Variants in GNAO1 observed in about 807,000 individuals in gnomAD.
GNAO1 encodes G protein subunit alpha o1, also known as guanine nucleotide-binding protein G(o) subunit alpha.
For missense variants in GNAO1, 166 were observed against 478.7 expected (o/e 0.35, Z 6.10); for synonymous variants, 164 against 180.7 (o/e 0.91, Z 0.74).
At chr16:56,229,741 T>C (rs779117229) in intron 2 of GNAO1, among the ~76,000 whole-genome samples, 1 of 152,098 alleles carries the variant, frequency 6.6e-6, no homozygotes, top group Admixed American at 6.5e-5. Flanking sequence ...AAAACAAAAA[T>C]GCAAAACCTT....
chr16:56,325,408 G>A (rs1251010589), intron 3 of GNAO1, among the ~76,000 whole-genome samples: 6 of 152,178 alleles, frequency 3.9e-5, no homozygotes, highest in Admixed American at 6.5e-5. Flanking sequence ...CCCAGGAGGC[G>A]GAGGTTGTGG....
chr16:56,259,715 G>A (rs917458560), intron 2 of GNAO1, among the ~76,000 whole-genome samples: 1 of 152,230 alleles, frequency 6.6e-6, no homozygotes, highest in Non-Finnish European at 1.5e-5. Flanking sequence ...GGTTCATGTG[G>A]TAAGGATTAA....
chr16:56,257,048 A>G (rs1596824345), intron 2 of GNAO1, among the ~76,000 whole-genome samples: 1 of 152,128 alleles, frequency 6.6e-6, no homozygotes, highest in Admixed American at 6.5e-5. Flanking sequence ...TGGCATTACT[A>G]TGCCTTTGAC....
chr16:56,306,184 T>A (rs2587885), intron 3 of GNAO1, among the ~76,000 whole-genome samples: 1 of 152,044 alleles, frequency 6.6e-6, no homozygotes, highest in African/African-American at 2.4e-5. Flanking sequence ...GTGTCAAAGA[T>A]AAAAGGGCAC....
intron 2 of GNAO1, among the ~76,000 whole-genome samples, chr16:56,222,572 C>A (rs2036500348): frequency 6.6e-6 from 1 of 152,106 alleles, no homozygotes; most frequent in African/African-American, 2.4e-5. Context: ...ACAAGCTTGT[C>A]CTTCTATGAG....
intron 2 of GNAO1, among the ~76,000 whole-genome samples, chr16:56,271,597 G>T (rs564863353): frequency 6.6e-6 from 1 of 152,262 alleles, no homozygotes; most frequent in African/African-American, 2.4e-5. Flanking sequence ...GGGACTACAG[G>T]TGCATGCCAC....
chr16:56,263,542 A>G (rs1408595985), intron 2 of GNAO1, among the ~76,000 whole-genome samples: 1 of 152,240 alleles, frequency 6.6e-6, no homozygotes, highest in Admixed American at 6.5e-5. Flanking sequence ...GGCCGTAGTC[A>G]GACTGGTCTG....
chr16:56,349,360 G>A (rs1236035311), intron 6 of GNAO1, among the ~76,000 whole-genome samples: 6 of 152,206 alleles, frequency 3.9e-5, no homozygotes, highest in African/African-American at 1.4e-4. Flanking sequence ...TGGGGAGCAT[G>A]TTCCTGTGGA....
At chr16:56,266,075 A>G (rs372933768) in intron 2 of GNAO1, among the ~76,000 whole-genome samples, 1 of 151,816 alleles carries the variant, frequency 6.6e-6, no homozygotes, top group East Asian at 1.9e-4. Context: ...TCTTAACTCT[A>G]CCCTTCCCCA....
intron 2 of GNAO1, among the ~76,000 whole-genome samples, chr16:56,208,463 G>T (rs922363818): frequency 8.8e-6 from 1 of 114,210 alleles, no homozygotes; most frequent in Admixed American, 8.5e-5. Context: ...GCGCGCGCAC[G>T]TGTGTGTGTG....
At chr16:56,209,364 C>T (rs1408425833) in intron 2 of GNAO1, among the ~76,000 whole-genome samples, 1 of 152,154 alleles carries the variant, frequency 6.6e-6, no homozygotes, top group Admixed American at 6.5e-5. Context: ...ATTATGATAG[C>T]TTTGTAACAT....
intron 2 of GNAO1, chr16:56,194,192 C>G (rs2036209383): frequency 2.2e-6 from 1 of 456,500 alleles, no homozygotes. Flanking sequence ...CAGAGCCCCC[C>G]TTGGCTCGCC....
Position 56,328,692 on chromosome 16 carries a change from C to T in GNAO1, c.365C>T (p.Ala122Val). 2 of 1,614,234 alleles carry T rather than the reference C, an allele frequency of 1.2e-6. No individual in the cohort carries two copies. Among genetic ancestry groups the T allele is most frequent in the Non-Finnish European group, 1.7e-6 (2 of 1,180,006 alleles). The stretch of plus-strand genomic sequence containing the variant: ...ATGGAAGACACCGAGCCCTTCTCTG[C>T]AGAGCTGCTTTCTGCCATGATGCGG... ...SRMEDTEPFS[A>V]ELLSAMMRLW... The change falls in exon 4 of 9, where the codon GCA (alanine) becomes GTA (valine). Residue 122 changes from alanine (A) to valine (V), a missense_variant. By Grantham distance (64) the Ala-to-Val change is moderately conservative (BLOSUM62 0). Coordinates refer to ENST00000262493, the MANE Select transcript of GNAO1 (RefSeq NM_020988.3).
At chr16:56,307,793 A>G (rs1217483878) in intron 3 of GNAO1, 1 of 152,222 alleles carries the variant, frequency 6.6e-6, no homozygotes, top group African/African-American at 2.4e-5. Context: ...CTCTCAGCAG[A>G]GGTCTTTCCC....
intron 2 of GNAO1, among the ~76,000 whole-genome samples, chr16:56,264,818 T>C (rs1567460638): frequency 6.7e-6 from 1 of 148,786 alleles, no homozygotes; most frequent in Non-Finnish European, 1.5e-5. Flanking sequence ...ATTAATATAG[T>C]ATATAGTATA....
At chr16:56,253,851 A>C (rs1385714236) in intron 2 of GNAO1, among the ~76,000 whole-genome samples, 3 of 152,118 alleles carry the variant, frequency 2.0e-5, no homozygotes, top group Non-Finnish European at 2.9e-5. Flanking sequence ...GGAGATGCCA[A>C]CTCTTCCTGG....
intron 2 of GNAO1, among the ~76,000 whole-genome samples, chr16:56,216,474 TG>T (rs1171834704): frequency 6.6e-6 from 1 of 152,212 alleles, no homozygotes; most frequent in Admixed American, 6.5e-5. Flanking sequence ...TCTTCACATT[TG>T]CACCAGGGAA....
At chr16:56,321,592 G>C (rs1204174059) in intron 3 of GNAO1, among the ~76,000 whole-genome samples, 2 of 152,136 alleles carry the variant, frequency 1.3e-5, no homozygotes, top group African/African-American at 2.4e-5. Flanking sequence ...CCTAGAATCA[G>C]GGGAGATTTA....
intron 2 of GNAO1, among the ~76,000 whole-genome samples, chr16:56,198,924 T>A (rs1288794596): frequency 6.6e-6 from 1 of 152,214 alleles, no homozygotes; most frequent in African/African-American, 2.4e-5. Flanking sequence ...GTGACATTTT[T>A]GATGGCGCAG....
Sources: gnomAD v4.1 joint callset for allele counts (sites outside exome capture counted in the v4.1 genomes callset) on GRCh38, gnomAD v4.1.1 for gene constraint, MANE v1.5 for transcripts, NCBI Gene and HGNC (gene_info 2026-07-23, HGNC 2026-07-21) for gene names.